Variants in MAMLD1 observed in about 807,000 individuals in gnomAD.
MAMLD1 encodes mastermind-like domain-containing protein 1.
A neutral mutation model predicts 45.0 loss-of-function variants in MAMLD1; 14 were observed. That is an observed-to-expected ratio of 0.31 (90% confidence interval 0.21 to 0.49). The LOEUF (loss-of-function observed/expected upper bound fraction) is 0.49, where lower values mean the gene tolerates loss of function less well. Among genes scored for constraint, MAMLD1 ranks in the 20% least tolerant of loss-of-function variants. MAMLD1 has a pLI of 0.99. For missense variants in MAMLD1, 543 were observed against 603.6 expected, an observed-to-expected ratio of 0.90 and a Z score of 1.05; for synonymous variants, 254 against 247.8, an observed-to-expected ratio of 1.02 and a Z score of -0.24.
intron 1 of MAMLD1, among the ~76,000 whole-genome samples, chrX:150,406,406 G>A (rs12389317): frequency 0.21 from 22,867 of 110,114 alleles, 1,956 homozygotes; most frequent in Non-Finnish European, 0.27. Flanking sequence ...TCACCTCAAA[G>A]AGCCTTCATT....
At chrX:150,371,823 G>C (rs1403607004) in intron 1 of MAMLD1, among the ~76,000 whole-genome samples, 1 of 111,680 alleles carries the variant, frequency 9.0e-6, no homozygotes, top group South Asian at 3.8e-4. Flanking sequence ...CCTGTACATA[G>C]TTAGCACAGG....
intron 5 of MAMLD1, among the ~76,000 whole-genome samples, chrX:150,478,932 C>T (rs781905454): frequency 2.7e-5 from 3 of 112,054 alleles, no homozygotes; most frequent in South Asian, 3.7e-4. Flanking sequence ...TTTGAAAATT[C>T]GGGGACCGAT....
chrX:150,405,694 CT>C (rs1197721724), intron 1 of MAMLD1, among the ~76,000 whole-genome samples: 1,522 of 111,896 alleles, frequency 0.014, 20 homozygotes, highest in African/African-American at 0.046. Flanking sequence ...CCCTTCTTCT[CT>C]TTTCTTATCA....
At chrX:150,448,957 T>C (rs1489003237) in intron 2 of MAMLD1, among the ~76,000 whole-genome samples, 3 of 110,991 alleles carry the variant, frequency 2.7e-5, no homozygotes, top group Non-Finnish European at 5.7e-5. Context: ...CTAGACAAAA[T>C]GAGGGTGCAA....
chrX:150,432,298 T>C (rs993273430), intron 1 of MAMLD1, among the ~76,000 whole-genome samples: 3 of 112,114 alleles, frequency 2.7e-5, no homozygotes, highest in African/African-American at 9.7e-5. Context: ...TTAAGTTCCT[T>C]ATAGATTCTA....
intron 1 of MAMLD1, among the ~76,000 whole-genome samples, chrX:150,435,407 C>T (rs2035089931): frequency 9.0e-6 from 1 of 111,149 alleles, no homozygotes; most frequent in East Asian, 2.8e-4. Context: ...CCCAGCTACT[C>T]GGGAGGCTGA....
chrX:150,460,020 A>T (rs1483061757), intron 2 of MAMLD1, among the ~76,000 whole-genome samples: 5 of 112,522 alleles, frequency 4.4e-5, no homozygotes, highest in African/African-American at 1.6e-4. Flanking sequence ...GATGAGGATG[A>T]TAATGGGAAT....
At chrX:150,497,608 C>G (rs2037426896) in intron 5 of MAMLD1, among the ~76,000 whole-genome samples, 1 of 71,733 alleles carries the variant, frequency 1.4e-5, no homozygotes, top group African/African-American at 6.4e-5. Flanking sequence ...TGAGATTTAT[C>G]TACCCCCTCC....
At chrX:150,489,917 A>G (rs2037128423) in intron 5 of MAMLD1, among the ~76,000 whole-genome samples, 1 of 111,273 alleles carries the variant, frequency 9.0e-6, no homozygotes. Flanking sequence ...AGGATTGGGT[A>G]AGAAGAGTCT....
chrX:150,403,912 A>T (rs2033889232), intron 1 of MAMLD1, among the ~76,000 whole-genome samples: 1 of 96,725 alleles, frequency 1.0e-5, no homozygotes, highest in Admixed American at 1.1e-4. Flanking sequence ...AAGAAGAAAG[A>T]AAAAGAAAGA....
rs182031434 is a variant in MAMLD1 at position 150,439,862 on chromosome X, C to T, written c.-63-5592C>T. 1.2e-3 allele frequency among the ~76,000 whole-genome samples: 133 copies of T among 111,050 alleles called. 1 individual carries two copies. Among genetic ancestry groups the T allele is most frequent in the Non-Finnish European group, 3.8e-4 (20 of 52,942 alleles). On this transcript the variant is annotated intron_variant, in intron 1 of 7. Transcript: ENST00000370401. ...CCCCAGGAAGCTGAGGCAGGAGAAT[C>T]GCTTGACCTGGGAGGTGGAGGTTGC...
chrX:150,462,736 T>G (rs782535252), intron 2 of MAMLD1, 36 bp from the exon 3 acceptor site: 2 of 1,005,519 alleles, frequency 2.0e-6, no homozygotes, highest in Middle Eastern at 2.6e-4. Flanking sequence ...TAAGAGTGTG[T>G]GCAAGTGGCT....
At chrX:150,496,552 G>A (rs1557408285) in intron 5 of MAMLD1, among the ~76,000 whole-genome samples, 1 of 112,038 alleles carries the variant, frequency 8.9e-6, no homozygotes. Context: ...CATCATTATC[G>A]TCATCATCAT....
chrX:150,382,503 C>T (rs1051874355), intron 1 of MAMLD1, among the ~76,000 whole-genome samples: 1 of 111,504 alleles, frequency 9.0e-6, no homozygotes, highest in Non-Finnish European at 1.9e-5. Context: ...ACCTTGTCTA[C>T]GTCTACAAAA....
chrX:150,508,823 A>G (rs1450505037), intron 6 of MAMLD1, among the ~76,000 whole-genome samples: 2 of 112,332 alleles, frequency 1.8e-5, no homozygotes, highest in Non-Finnish European at 3.8e-5. Context: ...GCTCCCAGAC[A>G]GAGCTGCCTT....
chrX:150,372,705 C>A (rs1222984035), intron 1 of MAMLD1, among the ~76,000 whole-genome samples: 1 of 112,235 alleles, frequency 8.9e-6, no homozygotes, highest in South Asian at 3.7e-4. Flanking sequence ...AAACCTGACA[C>A]ACTTGGTGTT....
chrX:150,498,167 A>G (rs1303897076), intron 5 of MAMLD1, among the ~76,000 whole-genome samples: 2 of 111,488 alleles, frequency 1.8e-5, no homozygotes, highest in Non-Finnish European at 3.8e-5. Flanking sequence ...CACACCTAGA[A>G]CAGCATGTCC....
At chrX:150,370,628 C>G (rs1266204345) in intron 1 of MAMLD1, among the ~76,000 whole-genome samples, 1 of 111,359 alleles carries the variant, frequency 9.0e-6, no homozygotes, top group African/African-American at 3.3e-5. Context: ...GCCCCAAGAG[C>G]ATTTTCTTCC....
At chrX:150,464,483 T>C (rs903092276) in intron 3 of MAMLD1, among the ~76,000 whole-genome samples, 7 of 112,353 alleles carry the variant, frequency 6.2e-5, no homozygotes. Context: ...CAGTTTCAGT[T>C]TGCTGGGACA....
Sources: gnomAD v4.1 joint callset for allele counts (sites outside exome capture counted in the v4.1 genomes callset) on GRCh38, gnomAD v4.1.1 for gene constraint, MANE v1.5 for transcripts, NCBI Gene and HGNC (gene_info 2026-07-23, HGNC 2026-07-21) for gene names.